The following RAD54L2 variants were observed in gnomAD, a reference collection of about 807,000 sequenced individuals.
RAD54L2 encodes RAD54 like 2.
RAD54L2 carries 27 observed loss-of-function variants against 138.4 expected under a neutral mutation model. That is an observed-to-expected ratio of 0.20 (90% CI 0.14 to 0.27). RAD54L2 has a LOEUF of 0.27. Among genes scored for constraint, RAD54L2 ranks in the 10% least tolerant of loss-of-function variants. The pLI is 1.00. For missense variants in RAD54L2, 1,396 were observed against 1,890.2 expected, an observed-to-expected ratio of 0.74 and a Z score of 4.85; for synonymous variants, 644 against 723.2, an observed-to-expected ratio of 0.89 and a Z score of 1.76.
At position 51,635,804 on chromosome 3, in the gene RAD54L2, C is replaced by A; in HGVS notation, c.1339+15C>A. The A allele has an allele frequency of 6.3e-7, 1 of 1,594,128 alleles. No individual in the cohort carries two copies. The highest frequency in any genetic ancestry group is 2.3e-5 in the East Asian group (1 of 44,370). ...GTTTCGGAGAGGTGGGCAGCCTATCCCAGGAATACTCTTGTTGGTGTTTCA... is the reference window on the plus strand; with the variant it reads ...GTTTCGGAGAGGTGGGCAGCCTATCACAGGAATACTCTTGTTGGTGTTTCA... On this transcript the variant is annotated intron_variant, in intron 10 of 22. Transcript: ENST00000684192.
At chr3:51,593,138 G>C (rs1699874487) in intron 3 of RAD54L2, among the ~76,000 whole-genome samples, 2 of 152,146 alleles carry the variant, frequency 1.3e-5, no homozygotes, top group South Asian at 4.2e-4. Context: ...TGAAGACACT[G>C]GTTGTCAGGA....
At chr3:51,579,615 A>G (rs1699562357) in intron 2 of RAD54L2, among the ~76,000 whole-genome samples, 1 of 152,172 alleles carries the variant, frequency 6.6e-6, no homozygotes, top group Non-Finnish European at 1.5e-5. Context: ...GAAACTCACT[A>G]CGTATTTCCA....
Position 51,663,534 on chromosome 3 carries a change from A to G in RAD54L2, c.*114A>G. ...ACACTTGGCAGGAGGGAAAAGGAAG[A>G]GGACAAAGGAGGGTGGTTGGCCAAA... is the stretch of plus-strand genomic sequence containing the variant. On this transcript the variant is annotated 3_prime_UTR_variant, in exon 23 of 23. Transcript: ENST00000684192. 1 of 1,101,534 alleles carries G rather than the reference A, an allele frequency of 9.1e-7. No individual in the cohort carries two copies. The highest frequency in any genetic ancestry group is 1.2e-6 in the Non-Finnish European group (1 of 821,594). The allele number at this position is 1,101,534 out of a possible 1,614,324, so 68.2% of individuals were successfully genotyped here. A position where few individuals can be genotyped will look rare whatever the true frequency, so the allele number is the denominator to read the frequency against.
At chr3:51,655,925 AGTT>A in intron 19 of RAD54L2, 43 bp from the exon 20 acceptor site, 1 of 1,512,352 alleles carries the variant, frequency 6.6e-7, no homozygotes, top group Non-Finnish European at 9.0e-7. Flanking sequence ...AAAAGGTAAC[AGTT>A]GTTCTGCCAA....
intron 20 of RAD54L2, among the ~76,000 whole-genome samples, chr3:51,656,560 T>C (rs1183882892): frequency 2.0e-5 from 3 of 152,038 alleles, no homozygotes; most frequent in Non-Finnish European, 4.4e-5. Context: ...AAGACCTGAA[T>C]TGTCACTTGC....
At chr3:51,579,212 C>T (rs1467797594) in intron 2 of RAD54L2, among the ~76,000 whole-genome samples, 4 of 148,440 alleles carry the variant, frequency 2.7e-5, no homozygotes, top group Non-Finnish European at 5.9e-5. Flanking sequence ...GCCCAGACTG[C>T]AGTGCAGCGG....
At chr3:51,617,649 G>A (rs965493817) in intron 3 of RAD54L2, among the ~76,000 whole-genome samples, 1 of 152,180 alleles carries the variant, frequency 6.6e-6, no homozygotes, top group Non-Finnish European at 1.5e-5. Context: ...GCTGAGGCGG[G>A]AGGATTACTT....
chr3:51,572,711 T>C (rs902019950), intron 2 of RAD54L2, among the ~76,000 whole-genome samples: 3 of 149,538 alleles, frequency 2.0e-5, no homozygotes, highest in African/African-American at 4.9e-5. Flanking sequence ...TGATCTCGGC[T>C]CACTGCAACC....
At chr3:51,568,601 C>T (rs1699268728) in intron 2 of RAD54L2, among the ~76,000 whole-genome samples, 1 of 152,106 alleles carries the variant, frequency 6.6e-6, no homozygotes, top group Non-Finnish European at 1.5e-5. Context: ...ACAGTGAGCA[C>T]TGGTGAGGCA....
intron 7 of RAD54L2, among the ~76,000 whole-genome samples, chr3:51,632,559 C>G (rs1359346564): frequency 6.7e-6 from 1 of 149,598 alleles, no homozygotes; most frequent in Non-Finnish European, 1.5e-5. Context: ...CCTCCCAAAG[C>G]GCCAGGATTA....
chr3:51,660,465 C>T (rs1328335357), intron 22 of RAD54L2, among the ~76,000 whole-genome samples: 31 of 151,956 alleles, frequency 2.0e-4, no homozygotes, highest in South Asian at 4.2e-4. Context: ...CCCGCCACCA[C>T]ACCTGGCTAA....
intron 3 of RAD54L2, among the ~76,000 whole-genome samples, chr3:51,626,633 C>A (rs565860710): frequency 1.3e-5 from 2 of 151,142 alleles, no homozygotes; most frequent in African/African-American, 2.4e-5. Context: ...TTAGTAGAGA[C>A]TGGGTTTTGC....
In RAD54L2 at chr3:51,629,298, T is replaced by C. The variant is rs749497235; in HGVS notation, c.342-36T>C. 1.7e-5 allele frequency: 27 copies of C among 1,560,750 alleles called. No individual in the cohort carries two copies. The Middle Eastern group carries it at 1.3e-3, about 77-fold the overall frequency. On this transcript the variant is annotated intron_variant, in intron 4 of 22. Transcript: ENST00000684192. ...TGCCATTACATTGCCCAAATCTTAA[T>C]TGAACCCAAGTGCTGTCTCTTATGT... is the stretch of plus-strand genomic sequence containing the variant.
intron 2 of RAD54L2, among the ~76,000 whole-genome samples, chr3:51,544,429 T>C (rs782452969): frequency 1.3e-5 from 2 of 152,232 alleles, no homozygotes; most frequent in Non-Finnish European, 2.9e-5. Context: ...CTTGCAAACA[T>C]TTCATTTGGG....
intron 3 of RAD54L2, among the ~76,000 whole-genome samples, chr3:51,625,066 G>C (rs188855562): frequency 1.5e-4 from 23 of 152,224 alleles, no homozygotes; most frequent in Admixed American, 1.5e-3. Flanking sequence ...AGGCTCTCAG[G>C]TTGAATGTTT....
intron 3 of RAD54L2, among the ~76,000 whole-genome samples, chr3:51,620,414 T>C: frequency 6.8e-6 from 1 of 148,112 alleles, no homozygotes; most frequent in South Asian, 2.1e-4. Context: ...GGTCTTTTTT[T>C]TTTTTTTTTT....
chr3:51,650,138 A>T (rs182564419), intron 19 of RAD54L2, among the ~76,000 whole-genome samples: 140 of 152,358 alleles, frequency 9.2e-4, no homozygotes, highest in African/African-American at 3.1e-3. Flanking sequence ...TTGCAATCCT[A>T]GTCGCTATTA....
intron 2 of RAD54L2, among the ~76,000 whole-genome samples, chr3:51,542,025 G>A (rs1346689935): frequency 6.6e-6 from 1 of 152,198 alleles, no homozygotes; most frequent in Non-Finnish European, 1.5e-5. Context: ...ATAAGGCTTA[G>A]AGTTTTCTAT....
intron 19 of RAD54L2, among the ~76,000 whole-genome samples, chr3:51,652,934 C>G (rs935638146): frequency 6.6e-6 from 1 of 152,150 alleles, no homozygotes; most frequent in Non-Finnish European, 1.5e-5. Flanking sequence ...CAAATGGGAT[C>G]TAATTAAACT....
Sources: gnomAD v4.1 joint callset for allele counts (sites outside exome capture counted in the v4.1 genomes callset) on GRCh38, gnomAD v4.1.1 for gene constraint, MANE v1.5 for transcripts, NCBI Gene and HGNC (gene_info 2026-07-23, HGNC 2026-07-21) for gene names.